Variants in IMMP2L observed in about 807,000 individuals in gnomAD.
IMMP2L encodes inner mitochondrial membrane peptidase subunit 2.
Under a neutral mutation model 19.3 loss-of-function variants are expected in IMMP2L, and 18 were observed. The ratio of observed to expected loss-of-function variants is 0.93; its 90% confidence interval spans 0.64 to 1.38. The LOEUF is 1.38. IMMP2L is among the 40% of genes most tolerant of loss of function. The pLI, the probability that IMMP2L is intolerant of heterozygous loss-of-function variation, is 0.00. For synonymous variants in IMMP2L, 76 were observed against 73.0 expected (o/e 1.04, Z -0.21); for missense variants, 233 against 218.2 (o/e 1.07, Z -0.43).
At chr7:110,929,736 T>C (rs1815264870) in intron 4 of IMMP2L, among the ~76,000 whole-genome samples, 1 of 152,132 alleles carries the variant, frequency 6.6e-6, no homozygotes, top group Admixed American at 6.5e-5. Flanking sequence ...TAAATAACTA[T>C]CCATGACTGT....
chr7:110,898,116 T>C (rs1811503115), intron 4 of IMMP2L, among the ~76,000 whole-genome samples: 1 of 151,518 alleles, frequency 6.6e-6, no homozygotes, highest in South Asian at 2.1e-4. Flanking sequence ...TGTGGATTCA[T>C]ATAAAAAGTA....
chr7:110,673,656 A>C (rs1306510460), intron 5 of IMMP2L, among the ~76,000 whole-genome samples: 2 of 152,206 alleles, frequency 1.3e-5, no homozygotes, highest in African/African-American at 4.8e-5. Flanking sequence ...ACAGATCTCT[A>C]GGGCAGGGGG....
At chr7:111,540,245 A>G (rs190054842) in intron 1 of IMMP2L, among the ~76,000 whole-genome samples, 1 of 152,206 alleles carries the variant, frequency 6.6e-6, no homozygotes, top group Non-Finnish European at 1.5e-5. Context: ...GGGGTGCTCC[A>G]TCATAAAACA....
chr7:110,735,303 T>C (rs1296759736), intron 5 of IMMP2L, among the ~76,000 whole-genome samples: 1 of 152,116 alleles, frequency 6.6e-6, no homozygotes, highest in Non-Finnish European at 1.5e-5. Flanking sequence ...ATCCAAACTG[T>C]GAATCAGCAA....
intron 5 of IMMP2L, among the ~76,000 whole-genome samples, chr7:110,713,614 G>A (rs954321795): frequency 6.7e-6 from 1 of 149,648 alleles, no homozygotes; most frequent in African/African-American, 2.4e-5. Flanking sequence ...TCTCCTTGTA[G>A]AGATCTTCTA....
At chr7:111,526,610 G>A (rs1182361459) in intron 1 of IMMP2L, among the ~76,000 whole-genome samples, 1 of 152,124 alleles carries the variant, frequency 6.6e-6, no homozygotes, top group Non-Finnish European at 1.5e-5. Flanking sequence ...GCTCTAAGTA[G>A]TACAAATAAC....
At chr7:110,714,604 G>T (rs1199866016) in intron 5 of IMMP2L, among the ~76,000 whole-genome samples, 2 of 152,036 alleles carry the variant, frequency 1.3e-5, no homozygotes, top group Non-Finnish European at 2.9e-5. Context: ...TTGTTTGTTT[G>T]CTTGTTTGTT....
intron 4 of IMMP2L, among the ~76,000 whole-genome samples, chr7:110,942,264 T>C (rs188703167): frequency 1.3e-5 from 2 of 152,122 alleles, no homozygotes; most frequent in Admixed American, 1.3e-4. Flanking sequence ...AACCAAATGC[T>C]GAACTTAAAT....
chr7:110,957,651 C>T (rs1251397369), intron 4 of IMMP2L, among the ~76,000 whole-genome samples: 1 of 151,940 alleles, frequency 6.6e-6, no homozygotes, highest in African/African-American at 2.4e-5. Context: ...CAGTAAAGTC[C>T]CAACCATGCT....
At chr7:111,465,553 A>C (rs1196810489) in intron 3 of IMMP2L, among the ~76,000 whole-genome samples, 2 of 151,664 alleles carry the variant, frequency 1.3e-5, no homozygotes, top group Non-Finnish European at 2.9e-5. Context: ...ACATTTATGC[A>C]GCCAAAAGAC....
chr7:111,480,777 A>G (rs1242596119), intron 3 of IMMP2L, among the ~76,000 whole-genome samples: 1 of 152,146 alleles, frequency 6.6e-6, no homozygotes, highest in Non-Finnish European at 1.5e-5. Flanking sequence ...GATAGAACAG[A>G]TAAGTATACA....
In IMMP2L at chr7:110,891,274, A is replaced by G. The variant is rs1037842596; in HGVS notation, c.306-4579T>C. ...AAAAAATCCACCATCAGGAAAGAAAACTAAAAGGAACACTTGCCTATGCAG... is the reference window on the plus strand; with the variant it reads ...AAAAAATCCACCATCAGGAAAGAAAGCTAAAAGGAACACTTGCCTATGCAG... On this transcript the variant is annotated intron_variant, in intron 4 of 5. Coordinates refer to ENST00000405709, the MANE Select transcript of IMMP2L (RefSeq NM_032549.4). Among the ~76,000 whole-genome samples the G allele has an allele frequency of 6.0e-4, 92 of 152,144 alleles. 1 individual carries two copies. Among genetic ancestry groups the G allele is most frequent in the African/African-American group, 2.2e-3 (91 of 41,538 alleles).
intron 3 of IMMP2L, among the ~76,000 whole-genome samples, chr7:111,193,328 C>A (rs150123133): frequency 6.6e-6 from 1 of 152,142 alleles, no homozygotes; most frequent in East Asian, 1.9e-4. Context: ...TAAGATGCTT[C>A]TTCTTCCCAC....
intron 3 of IMMP2L, among the ~76,000 whole-genome samples, chr7:111,387,975 T>TAAAAA (rs750267136): frequency 1.1e-4 from 10 of 93,410 alleles, no homozygotes; most frequent in African/African-American, 4.1e-4. Flanking sequence ...ACTCTGTCTT[T>TAAAAA]AAAAAAAAAA....
chr7:111,251,102 A>C (rs1224786611), intron 3 of IMMP2L, among the ~76,000 whole-genome samples: 1 of 152,190 alleles, frequency 6.6e-6, no homozygotes, highest in Non-Finnish European at 1.5e-5. Context: ...ATGAACAGAC[A>C]CTTCTCAAAA....
intron 4 of IMMP2L, among the ~76,000 whole-genome samples, chr7:110,941,018 A>G (rs1171320301): frequency 1.3e-5 from 2 of 152,194 alleles, no homozygotes; most frequent in East Asian, 3.8e-4. Context: ...ATGACAGAAG[A>G]AATCACTACT....
At chr7:110,907,408 G>A (rs1054011341) in intron 4 of IMMP2L, among the ~76,000 whole-genome samples, 1 of 152,132 alleles carries the variant, frequency 6.6e-6, no homozygotes, top group African/African-American at 2.4e-5. Flanking sequence ...AAGTCAAGTT[G>A]CTTCTCTTCA....
chr7:110,991,598 T>C (rs919226143), intron 3 of IMMP2L, among the ~76,000 whole-genome samples: 12 of 152,088 alleles, frequency 7.9e-5, no homozygotes, highest in Non-Finnish European at 1.8e-4. Context: ...GTATAGCAAT[T>C]GTCTCCAGAC....
chr7:110,885,889 C>T (rs1415297835), intron 5 of IMMP2L, among the ~76,000 whole-genome samples: 1 of 151,990 alleles, frequency 6.6e-6, no homozygotes, highest in Non-Finnish European at 1.5e-5. Context: ...TCTGTACAAA[C>T]ACACCTTGTT....
Sources: gnomAD v4.1 joint callset for allele counts (sites outside exome capture counted in the v4.1 genomes callset) on GRCh38, gnomAD v4.1.1 for gene constraint, MANE v1.5 for transcripts, NCBI Gene and HGNC (gene_info 2026-07-23, HGNC 2026-07-21) for gene names.